Variants in MGAT5 observed in about 807,000 individuals in gnomAD.
MGAT5 encodes alpha-1,6-mannosylglycoprotein 6-beta-N-acetylglucosaminyltransferase A.
Under a neutral mutation model 94.3 loss-of-function variants are expected in MGAT5, and 30 were observed. The ratio of observed to expected loss-of-function variants is 0.32; its 90% CI spans 0.24 to 0.43. The LOEUF (loss-of-function observed/expected upper bound fraction) is 0.43. Ranked by LOEUF, MGAT5 falls within the 20% of genes least tolerant of loss-of-function variation. The pLI is 1.00. For missense variants in MGAT5, 691 were observed against 905.5 expected (o/e 0.76, Z 3.04); for synonymous variants, 310 against 322.9 (o/e 0.96, Z 0.43).
At chr2:134,262,290 A>T (rs1319984370) in intron 1 of MGAT5, among the ~76,000 whole-genome samples, 1 of 152,172 alleles carries the variant, frequency 6.6e-6, no homozygotes, top group Non-Finnish European at 1.5e-5. Flanking sequence ...CCAAGGCTGA[A>T]GTACAGTAGT....
At chr2:134,122,917 G>A (rs1685683554) in intron 1 of MGAT5, among the ~76,000 whole-genome samples, 1 of 152,230 alleles carries the variant, frequency 6.6e-6, no homozygotes, top group South Asian at 2.1e-4. Context: ...GCAGCTCATG[G>A]GCTTTTGGAT....
intron 9 of MGAT5, among the ~76,000 whole-genome samples, chr2:134,361,605 G>A (rs576182899): frequency 6.6e-6 from 1 of 152,334 alleles, no homozygotes; most frequent in African/African-American, 2.4e-5. Context: ...TTCTCTTCCA[G>A]AATAGCCTAC....
intron 1 of MGAT5, among the ~76,000 whole-genome samples, chr2:134,186,896 A>G (rs1689066108): frequency 6.6e-6 from 1 of 152,206 alleles, no homozygotes; most frequent in African/African-American, 2.4e-5. Flanking sequence ...GGCTGTGAAG[A>G]AAAACCAAGT....
At chr2:134,204,471 G>A (rs185181384) in intron 1 of MGAT5, among the ~76,000 whole-genome samples, 2 of 152,126 alleles carry the variant, frequency 1.3e-5, no homozygotes, top group East Asian at 3.9e-4. Context: ...AAGTGAGGGC[G>A]TTGGCTAGCC....
chr2:134,212,443 G>A lies in MGAT5; in HGVS notation c.-142-41819G>A, dbSNP rs552403389. ...ACATCTTTATTTCTGCCTTCATTTCGTTATGTACCCAGTAGTCATTCAGGA... is the reference window on the plus strand; with the variant it reads ...ACATCTTTATTTCTGCCTTCATTTCATTATGTACCCAGTAGTCATTCAGGA... On this transcript the variant is annotated intron_variant, in intron 1 of 16. Transcript: ENST00000409645. Among the ~76,000 whole-genome samples the A allele has an allele frequency of 6.1e-5, 3 of 48,822 alleles. 1 individual carries two copies. Among genetic ancestry groups the A allele is most frequent in the Non-Finnish European group, 9.3e-5 (3 of 32,222 alleles). The allele number at this position is 48,822 out of a possible 152,430, so 32.0% of individuals were successfully genotyped here. A position where few individuals can be genotyped will look rare whatever the true frequency, so the allele number is the denominator to read the frequency against.
chr2:134,409,112 C>T (rs1266730649), intron 11 of MGAT5, among the ~76,000 whole-genome samples: 4 of 152,134 alleles, frequency 2.6e-5, no homozygotes, highest in Admixed American at 6.5e-5. Context: ...ACGTAAACTC[C>T]GTCTAAATGA....
At position 134,275,753 on chromosome 2, in the gene MGAT5, CT is replaced by C. The variant is rs564240549; in HGVS notation, c.406+5209del. 5.3e-3 allele frequency among the ~76,000 whole-genome samples: 802 copies of C among 151,656 alleles called. 4 individuals carry two copies. Among genetic ancestry groups the C allele is most frequent in the African/African-American group, 0.019 (766 of 41,344 alleles). ...AATGTGCCATCATGCCCGGCAAATTCTTTTTTCTTATTTTTTGTAGAGAATG... is the reference window on the plus strand; with the variant it reads ...AATGTGCCATCATGCCCGGCAAATTCTTTTTCTTATTTTTTGTAGAGAATG... On this transcript the variant is annotated intron_variant, in intron 2 of 15. Transcript: ENST00000281923.
intron 2 of MGAT5, among the ~76,000 whole-genome samples, chr2:134,294,752 T>C (rs1391341625): frequency 6.6e-6 from 1 of 152,246 alleles, no homozygotes; most frequent in East Asian, 1.9e-4. Context: ...TAAGTATGTT[T>C]ATACTGGTCC....
chr2:134,277,645 A>G (rs1684460548), intron 2 of MGAT5, among the ~76,000 whole-genome samples: 1 of 152,208 alleles, frequency 6.6e-6, no homozygotes, highest in Non-Finnish European at 1.5e-5. Flanking sequence ...AGGTGAGACC[A>G]ATAACGTTCT....
chr2:134,339,469 A>T (rs948888581), intron 6 of MGAT5, among the ~76,000 whole-genome samples: 5 of 152,198 alleles, frequency 3.3e-5, no homozygotes, highest in Admixed American at 2.6e-4. Flanking sequence ...TTATTTTGAT[A>T]AACTAAAATT....
chr2:134,334,209 A>G (rs1005199033), intron 4 of MGAT5, among the ~76,000 whole-genome samples: 2 of 152,198 alleles, frequency 1.3e-5, no homozygotes, highest in Admixed American at 6.5e-5. Flanking sequence ...GAGGCATTAC[A>G]GTCTTCAGGC....
intron 10 of MGAT5, among the ~76,000 whole-genome samples, chr2:134,379,593 C>CACAGAG (rs1681408328): frequency 6.6e-6 from 1 of 152,204 alleles, no homozygotes; most frequent in African/African-American, 2.4e-5. Context: ...TGAGTGCTGC[C>CACAGAG]TCTGATGGGA....
chr2:134,264,926 G>GT (rs1208594377), intron 1 of MGAT5, among the ~76,000 whole-genome samples: 1 of 152,188 alleles, frequency 6.6e-6, no homozygotes, highest in African/African-American at 2.4e-5. Context: ...CATTTCAGAT[G>GT]TAAGACCTTG....
Position 134,132,460 on chromosome 2 carries a change from C to A in MGAT5, c.-143+12169C>A, listed in dbSNP as rs74724821. Reference sequence around the variant, plus strand: ...CCTTTATCGTGGCCTCTGGTGTTTTCTATTTTGTCCTATTTCATTGTCTTA... The same window carrying A: ...CCTTTATCGTGGCCTCTGGTGTTTTATATTTTGTCCTATTTCATTGTCTTA... On this transcript the variant is annotated intron_variant, in intron 1 of 16. Transcript: ENST00000409645. Among the ~76,000 whole-genome samples the A allele has an allele frequency of 1.2e-3, 187 of 152,332 alleles. 1 individual carries two copies. The highest frequency in any genetic ancestry group is 4.1e-3 in the African/African-American group (169 of 41,590).
At chr2:134,336,362 C>G in intron 5 of MGAT5, 74 bp downstream of exon 5, 1 of 1,241,926 alleles carries the variant, frequency 8.1e-7, no homozygotes, top group South Asian at 1.3e-5. Flanking sequence ...GTGGAATCTT[C>G]TAGAAATGCC....
chr2:134,354,792 T>G (rs1679620823), intron 9 of MGAT5, among the ~76,000 whole-genome samples: 1 of 152,158 alleles, frequency 6.6e-6, no homozygotes, highest in Non-Finnish European at 1.5e-5. Context: ...GTGTTGGGTT[T>G]TCCCCAGGAA....
At chr2:134,171,314 A>G (rs749624468) in intron 1 of MGAT5, among the ~76,000 whole-genome samples, 3 of 152,272 alleles carry the variant, frequency 2.0e-5, no homozygotes, top group South Asian at 2.1e-4. Flanking sequence ...TAATGGTGCT[A>G]TTTTTAAAAT....
At chr2:134,365,215 A>G (rs993878597) in intron 10 of MGAT5, among the ~76,000 whole-genome samples, 1 of 152,166 alleles carries the variant, frequency 6.6e-6, no homozygotes, top group Non-Finnish European at 1.5e-5. Flanking sequence ...CTGCTGTGCC[A>G]TAAATCCTGC....
chr2:134,282,526 C>A (rs11893070), intron 2 of MGAT5, among the ~76,000 whole-genome samples: 4,090 of 152,260 alleles, frequency 0.027, 160 homozygotes, highest in African/African-American at 0.092. Flanking sequence ...GATGAAAATA[C>A]AAAGTAGCTG....
Sources: allele counts gnomAD v4.1 joint callset (sites outside exome capture counted in the v4.1 genomes callset), GRCh38; gene constraint gnomAD v4.1.1; transcripts MANE v1.5; gene names NCBI Gene and HGNC (gene_info 2026-07-23, HGNC 2026-07-21).